ABTB3: variants seen among roughly 807,000 people sequenced by gnomAD.
ABTB3 encodes the protein ankyrin repeat- and BTB/POZ domain-containing protein 3.
At chr12:107,551,823 GCTCA>G in the ABTB3 span, among the ~76,000 whole-genome samples, 1 of 151,004 alleles carries the variant, frequency 6.6e-6, no homozygotes, top group Non-Finnish European at 1.5e-5. Context: ...CACAATCTCT[GCTCA>G]CTGCAACCTC....
the ABTB3 span, among the ~76,000 whole-genome samples, chr12:107,530,054 G>A: frequency 1.3e-5 from 2 of 152,176 alleles, no homozygotes; most frequent in Non-Finnish European, 2.9e-5. Flanking sequence ...TAGCCTTGAA[G>A]GTCTTCAATT....
chr12:107,574,514 G>T, the ABTB3 span, among the ~76,000 whole-genome samples: 1 of 152,316 alleles, frequency 6.6e-6, no homozygotes, highest in South Asian at 2.1e-4. Flanking sequence ...CCTGAGGTCA[G>T]GAGTTCGAGA....
chr12:107,503,171 G>C, the ABTB3 span, among the ~76,000 whole-genome samples: 1 of 152,170 alleles, frequency 6.6e-6, no homozygotes, highest in Non-Finnish European at 1.5e-5. Flanking sequence ...CCAGGTTTAG[G>C]ATTAGCTAAT....
the ABTB3 span, among the ~76,000 whole-genome samples, chr12:107,453,054 G>A: frequency 2.0e-5 from 3 of 152,178 alleles, no homozygotes. Context: ...GAAAGGGTCA[G>A]CTATGGAACA....
chr12:107,648,441 G>A, the ABTB3 span, among the ~76,000 whole-genome samples: 1 of 144,764 alleles, frequency 6.9e-6, no homozygotes, highest in Non-Finnish European at 1.5e-5. Context: ...GAGGAGACTG[G>A]GACAAACCAC....
chr12:107,403,327 T>A, the ABTB3 span, among the ~76,000 whole-genome samples: 26 of 152,296 alleles, frequency 1.7e-4, no homozygotes, highest in Admixed American at 1.6e-3. Flanking sequence ...GTGCCTGGAA[T>A]GACACAGACC....
the ABTB3 span, among the ~76,000 whole-genome samples, chr12:107,404,659 G>A: frequency 3.3e-5 from 5 of 152,116 alleles, no homozygotes; most frequent in Non-Finnish European, 5.9e-5. Context: ...ATGTATACCC[G>A]GGTTTTCTAC....
the ABTB3 span, among the ~76,000 whole-genome samples, chr12:107,406,915 C>T: frequency 6.6e-6 from 1 of 152,192 alleles, no homozygotes; most frequent in Admixed American, 6.5e-5. Context: ...CTCTAGGTGT[C>T]CCCTGAGCTT....
the ABTB3 span, among the ~76,000 whole-genome samples, chr12:107,513,805 C>A: frequency 6.6e-6 from 1 of 152,204 alleles, no homozygotes; most frequent in African/African-American, 2.4e-5. Context: ...GCAATGCACC[C>A]TGATGGCCTC....
chr12:107,558,924 TGC>T, the ABTB3 span, among the ~76,000 whole-genome samples: 1 of 143,444 alleles, frequency 7.0e-6, no homozygotes, highest in Admixed American at 7.1e-5. Context: ...TCCCAGAGCC[TGC>T]GTCCTCTTGC....
At chr12:107,427,283 AT>A in the ABTB3 span, among the ~76,000 whole-genome samples, 834 of 140,122 alleles carry the variant, frequency 6.0e-3, 6 homozygotes, top group Middle Eastern at 0.011. Flanking sequence ...CTGTGTCCCT[AT>A]TTTTTTTTTT....
chr12:107,639,496 A>T, the ABTB3 span, among the ~76,000 whole-genome samples: 1 of 152,142 alleles, frequency 6.6e-6, no homozygotes, highest in Non-Finnish European at 1.5e-5. Flanking sequence ...AAACTAGGGT[A>T]ATATCAAAGG....
At chr12:107,469,843 CTCTCTT>C in the ABTB3 span, among the ~76,000 whole-genome samples, 1 of 148,392 alleles carries the variant, frequency 6.7e-6, no homozygotes, top group South Asian at 2.2e-4. Flanking sequence ...CTTCCTTTCT[CTCTCTT>C]TCTCTTTCTT....
At chr12:107,343,068 G>A in the ABTB3 span, among the ~76,000 whole-genome samples, 1 of 152,242 alleles carries the variant, frequency 6.6e-6, no homozygotes, top group Non-Finnish European at 1.5e-5. Flanking sequence ...AGGCTGGAGT[G>A]CAGGGGCACG....
At chr12:107,376,665 A>G in the ABTB3 span, among the ~76,000 whole-genome samples, 5 of 152,156 alleles carry the variant, frequency 3.3e-5, no homozygotes, top group East Asian at 7.7e-4. Context: ...ATACAGCAGT[A>G]GAGGTTCTCA....
At chr12:107,489,814 G>A in the ABTB3 span, among the ~76,000 whole-genome samples, 17 of 151,968 alleles carry the variant, frequency 1.1e-4, no homozygotes, top group African/African-American at 3.9e-4. Flanking sequence ...TCAGGCTGAA[G>A]TGCAGTGTTA....
At chr12:107,505,222 A>G in the ABTB3 span, among the ~76,000 whole-genome samples, 2 of 152,218 alleles carry the variant, frequency 1.3e-5, no homozygotes, top group Admixed American at 6.5e-5. Context: ...CAGGTACTTA[A>G]TGAATCAGAA....
chr12:107,320,550 G>A, the ABTB3 span: 2 of 456,128 alleles, frequency 4.4e-6, no homozygotes, highest in Admixed American at 2.3e-5. Flanking sequence ...TCCCTCGGGG[G>A]GCACGCAGTG....
chr12:107,642,789 C>T, the ABTB3 span, among the ~76,000 whole-genome samples: 3 of 151,322 alleles, frequency 2.0e-5, no homozygotes, highest in African/African-American at 7.3e-5. Flanking sequence ...CTTCCTGGTC[C>T]AAGGCCAGAT....
Sources: gnomAD v4.1 joint callset for allele counts (sites outside exome capture counted in the v4.1 genomes callset) on GRCh38, gnomAD v4.1.1 for gene constraint, MANE v1.5 for transcripts, NCBI Gene and HGNC (gene_info 2026-07-23, HGNC 2026-07-21) for gene names.